The following NR2F6 variants were observed in gnomAD, a reference collection of about 807,000 sequenced individuals.
NR2F6 encodes ERBA-related gene-2.
Under a neutral mutation model 26.5 loss-of-function variants are expected in NR2F6, and 16 were observed. That is an observed-to-expected ratio of 0.60 (90% CI 0.41 to 0.92). NR2F6 has a LOEUF of 0.92. NR2F6 is among the 40% of genes least tolerant of loss of function. NR2F6 has a pLI of 0.00. For synonymous variants in NR2F6, 325 were observed against 305.0 expected, an observed-to-expected ratio of 1.07 and a Z score of -0.68; for missense variants, 536 against 631.7, an observed-to-expected ratio of 0.85 and a Z score of 1.62.
chr19:17,238,020 A>G (rs929503647), intron 2 of NR2F6, among the ~76,000 whole-genome samples: 10 of 152,104 alleles, frequency 6.6e-5, no homozygotes, highest in Non-Finnish European at 1.3e-4. Flanking sequence ...AACACCTGTA[A>G]TCTCAGCTAC....
chr19:17,235,162 G>A lies in NR2F6; in HGVS notation c.940+337C>T, dbSNP rs571920655. 3.0e-4 allele frequency among the ~76,000 whole-genome samples: 46 copies of A among 152,348 alleles called. No individual in the cohort carries two copies. The South Asian group carries it at 8.1e-3, about 27-fold the overall frequency. On this transcript the variant is annotated intron_variant, in intron 3 of 3. Coordinates refer to ENST00000291442, the MANE Select transcript of NR2F6 (RefSeq NM_005234.4). This position sits in a 1 kb window ranked among gnomAD's most constrained non-coding sequence, Gnocchi z 5.0. ...GCTATCAGTGCTCACTAAGCCTGAA[G>A]AGCCCTTTGGTGAGGGAGTAGGGGT...
rs189983319 is a variant in NR2F6 at position 17,231,914 on chromosome 19, C to T, written c.*438G>A. ...GGTAGGAAATGTCTTTATTATTGGC[C>T]TTGAGTCATCATGTAGTGTCTGACA... On this transcript the variant is annotated 3_prime_UTR_variant, in exon 4 of 4. Transcript: ENST00000291442. The T allele has an allele frequency of 1.4e-4, 24 of 172,592 alleles. No individual in the cohort carries two copies. Among genetic ancestry groups the T allele is most frequent in the Non-Finnish European group, 2.5e-4 (20 of 79,740 alleles). The allele number at this position is 172,592 out of a possible 1,614,324, so 10.7% of individuals were successfully genotyped here.
intron 1 of NR2F6, chr19:17,244,504 G>A (rs118043155): frequency 0.012 from 1,912 of 163,824 alleles, 28 homozygotes; most frequent in Non-Finnish European, 0.017. Context: ...CCGCGCGGCC[G>A]CAGACAATGG....
At chr19:17,233,325 CAA>C (rs1012261841) in intron 3 of NR2F6, among the ~76,000 whole-genome samples, 1 of 145,414 alleles carries the variant, frequency 6.9e-6, no homozygotes, top group Admixed American at 6.9e-5. Context: ...CAAAACAAAA[CAA>C]AACAAAACAA....
intron 2 of NR2F6, among the ~76,000 whole-genome samples, chr19:17,237,034 T>C (rs2145565302): frequency 6.6e-6 from 1 of 152,320 alleles, no homozygotes; most frequent in South Asian, 2.1e-4. Context: ...TAATGAGCTT[T>C]AATGAGCTGG....
In NR2F6 at chr19:17,232,637, A is replaced by G; in HGVS notation, c.941-11T>C. ...AGAGGCCACAGGCGTCTAGGGGGAC[A>G]AAGGCAAGTCAGACAGGTGGGAGGC... On this transcript the variant is annotated splice_polypyrimidine_tract_variant and intron_variant, in intron 3 of 3. Transcript: ENST00000291442. 1 of 1,522,720 alleles carries G rather than the reference A, an allele frequency of 6.6e-7. No individual in the cohort carries two copies. Among genetic ancestry groups the G allele is most frequent in the Non-Finnish European group, 8.8e-7 (1 of 1,140,412 alleles). The allele number at this position is 1,522,720 out of a possible 1,614,324, so 94.3% of individuals were successfully genotyped here. A position where few individuals can be genotyped will look rare whatever the true frequency, so the allele number is the denominator to read the frequency against.
chr19:17,245,126 G>C lies in NR2F6; in HGVS notation c.95C>G (p.Ser32Trp). Reference protein sequence around the residue: ...GGYPRAAEDDSASPPGAASDA... With the variant: ...GGYPRAAEDDWASPPGAASDA... ...GCTGGCGGCACCGGGGGGCGAGGCCGAGTCGTCCTCGGCCGCGCGCGGGTA... is the reference window on the plus strand; with the variant it reads ...GCTGGCGGCACCGGGGGGCGAGGCCCAGTCGTCCTCGGCCGCGCGCGGGTA... Residue 32 changes from serine (S) to tryptophan (W), a missense_variant, in exon 1 of 4, where the codon TCG (serine) becomes TGG (tryptophan). By Grantham distance (177) the Ser-to-Trp change is radical. Transcript: ENST00000291442. The surrounding 1 kb of genome is among the most constrained non-coding windows in gnomAD (Gnocchi z 5.0). 1 of 1,524,914 alleles carries C rather than the reference G, an allele frequency of 6.6e-7. No individual in the cohort carries two copies. The allele number at this position is 1,524,914 out of a possible 1,614,324, so 94.5% of individuals were successfully genotyped here. A position where few individuals can be genotyped will look rare whatever the true frequency, so the allele number is the denominator to read the frequency against.
chr19:17,239,048 C>CA (rs2073454682), intron 2 of NR2F6, among the ~76,000 whole-genome samples: 1 of 151,856 alleles, frequency 6.6e-6, no homozygotes, highest in African/African-American at 2.4e-5. Flanking sequence ...ATTAAAAATA[C>CA]AAAAATTAGG....
At chr19:17,243,727 T>C (rs1267607422) in intron 1 of NR2F6, among the ~76,000 whole-genome samples, 2 of 152,138 alleles carry the variant, frequency 1.3e-5, no homozygotes, top group Non-Finnish European at 2.9e-5. Flanking sequence ...CCTGGGGCCC[T>C]ATTTGGTGGC....
At chr19:17,234,934 TG>T (rs1205102652) in intron 3 of NR2F6, among the ~76,000 whole-genome samples, 2 of 152,166 alleles carry the variant, frequency 1.3e-5, no homozygotes, top group Non-Finnish European at 2.9e-5. Flanking sequence ...TGGAATACGA[TG>T]GGCTACCACT....
In NR2F6 at chr19:17,245,650, G is replaced by A. The variant is rs1322908070; in HGVS notation, c.-430C>T. On this transcript the variant is annotated 5_prime_UTR_variant, in exon 1 of 4. Transcript: ENST00000291442. The surrounding 1 kb of genome is among the most constrained non-coding windows in gnomAD (Gnocchi z 5.0). ...CCATCCGAGCGCGGGAGGCCGGGGG[G>A]AAAGTTTGGCCGCAAGTTGCGCGGC... 6 of 146,390 alleles carry A rather than the reference G, an allele frequency of 4.1e-5. No individual in the cohort carries two copies. Among genetic ancestry groups the A allele is most frequent in the Non-Finnish European group, 7.6e-5 (5 of 65,836 alleles). The allele number at this position is 146,390 out of a possible 1,614,324, so 9.1% of individuals were successfully genotyped here.
In NR2F6 at chr19:17,232,455, A is replaced by G; in HGVS notation, c.1112T>C (p.Leu371Pro). 1 of 1,614,100 alleles carries G rather than the reference A, an allele frequency of 6.2e-7. No individual in the cohort carries two copies. The highest frequency in any genetic ancestry group is 8.5e-7 in the Non-Finnish European group (1 of 1,180,008). The change falls in exon 4 of 4, where the codon CTG (leucine) becomes CCG (proline). Residue 371 changes from leucine (L) to proline (P), a missense_variant. Transcript: ENST00000291442. ...CTTCCCCACCAGGCGCATGAAGAAC[A>G]GCTGGGAGATGAGGGAGGCAGGGAC... ...RAVPASLISQ[L>P]FFMRLVGKTP...
chr19:17,235,580 C>G lies in NR2F6; in HGVS notation c.859G>C (p.Glu287Gln), dbSNP rs771868867. Residue 287 changes from glutamate (E) to glutamine (Q), a missense_variant, in exon 3 of 4, where the codon GAG becomes CAG. Coordinates refer to ENST00000291442, the MANE Select transcript of NR2F6 (RefSeq NM_005234.4). This position sits in a 1 kb window ranked among gnomAD's most constrained non-coding sequence, Gnocchi z 5.0. The part of the protein sequence containing the change: ...AFMDQVRAFQ[E>Q]QVDKLGRLQV... The stretch of plus-strand genomic sequence containing the variant: ...AGGCGGCCCAGCTTGTCCACCTGCT[C>G]CTGGAAGGCGCGCACCTGGTCCATG... 9.4e-6 allele frequency: 15 copies of G among 1,589,692 alleles called. No individual in the cohort carries two copies. Among genetic ancestry groups the G allele is most frequent in the African/African-American group, 1.3e-5 (1 of 74,534 alleles).
chr19:17,240,593 A>G, intron 2 of NR2F6, 78 bp downstream of exon 2: 6 of 1,462,734 alleles, frequency 4.1e-6, no homozygotes, highest in Non-Finnish European at 5.7e-6. Context: ...GAGGGGAAAA[A>G]GGGGAGGAAG....
chr19:17,233,976 G>A (rs924821094), intron 3 of NR2F6, among the ~76,000 whole-genome samples: 3 of 151,912 alleles, frequency 2.0e-5, no homozygotes, highest in African/African-American at 7.2e-5. Flanking sequence ...TGTAATCCCA[G>A]CACTTTGGGA....
chr19:17,232,653 G>A, intron 3 of NR2F6, 27 bp from the exon 4 acceptor site: 1 of 1,513,636 alleles, frequency 6.6e-7, no homozygotes, highest in Non-Finnish European at 8.8e-7. Flanking sequence ...AAGTCAGACA[G>A]GTGGGAGGCA....
intron 1 of NR2F6, chr19:17,244,199 G>A (rs1030496574): frequency 6.6e-6 from 1 of 152,310 alleles, no homozygotes; most frequent in Non-Finnish European, 1.5e-5. Flanking sequence ...CAAAGTTTGA[G>A]GGATTTTTCC....
intron 3 of NR2F6, among the ~76,000 whole-genome samples, chr19:17,233,347 A>AAACAAAACAC (rs1457066142): frequency 7.3e-6 from 1 of 137,880 alleles, no homozygotes; most frequent in Non-Finnish European, 1.6e-5. Context: ...AAACAAAACA[A>AAACAAAACAC]AAAACGACCC....
rs1393597103 is a variant in NR2F6, at chr19:17,235,145, T to G, written c.940+354A>C. ...CGTCCCCCCAACCTTGTGCTATCAG[T>G]GCTCACTAAGCCTGAAGAGCCCTTT... On this transcript the variant is annotated intron_variant, in intron 3 of 3. Transcript: ENST00000291442. This position sits in a 1 kb window ranked among gnomAD's most constrained non-coding sequence, Gnocchi z 5.0. Among the ~76,000 whole-genome samples, 1 of 152,196 alleles carries G rather than the reference T, an allele frequency of 6.6e-6. No homozygotes were observed. Among genetic ancestry groups the G allele is most frequent in the Admixed American group, 6.5e-5 (1 of 15,290 alleles).
Sources: gnomAD v4.1 joint callset for allele counts (sites outside exome capture counted in the v4.1 genomes callset) on GRCh38, gnomAD v4.1.1 for gene constraint, Gnocchi (gnomAD v3.1) non-coding constraint, MANE v1.5 for transcripts, NCBI Gene and HGNC (gene_info 2026-07-23, HGNC 2026-07-21) for gene names.